Variants in CRIM1 observed in about 807,000 individuals in gnomAD.
The protein encoded by CRIM1 is cysteine rich transmembrane BMP regulator 1.
CRIM1 carries 32 observed loss-of-function variants against 116.4 expected under a neutral mutation model. That is an observed-to-expected ratio of 0.27 (90% CI 0.21 to 0.37). CRIM1 has a LOEUF of 0.37. CRIM1 is among the 10% of genes least tolerant of loss of function. The pLI is 1.00. For synonymous variants in CRIM1, 590 were observed against 509.2 expected, an observed-to-expected ratio of 1.16 and a Z score of -2.13; for missense variants, 1,331 against 1,354.8, an observed-to-expected ratio of 0.98 and a Z score of 0.28.
intron 6 of CRIM1, among the ~76,000 whole-genome samples, chr2:36,478,997 C>G (rs1679200877): frequency 1.3e-5 from 2 of 152,162 alleles, no homozygotes; most frequent in African/African-American, 4.8e-5. Context: ...ATGAACAAGT[C>G]CACAGCAAGA....
Position 36,509,973 on chromosome 2 carries a change from G to T in CRIM1, c.1502-10G>T. 13 of 1,612,398 alleles carry T rather than the reference G, an allele frequency of 8.1e-6. No individual in the cohort carries two copies. Among genetic ancestry groups the T allele is most frequent in the Non-Finnish European group, 1.0e-5 (12 of 1,179,058 alleles). Reference sequence around the variant, plus strand: ...TTTGGAAGAAACATGCCGTCTCTGTGTCTTCACAGCCGAGGAACTATGTTC... The same window carrying T: ...TTTGGAAGAAACATGCCGTCTCTGTTTCTTCACAGCCGAGGAACTATGTTC... On this transcript the variant is annotated splice_polypyrimidine_tract_variant and intron_variant, in intron 8 of 16. Coordinates refer to ENST00000280527, the MANE Select transcript of CRIM1 (RefSeq NM_016441.3).
intron 7 of CRIM1, among the ~76,000 whole-genome samples, chr2:36,481,928 A>G (rs1438877795): frequency 6.6e-6 from 1 of 152,154 alleles, no homozygotes; most frequent in Non-Finnish European, 1.5e-5. Context: ...AAGGGAGGAA[A>G]TCATTTTGCA....
intron 5 of CRIM1, among the ~76,000 whole-genome samples, chr2:36,468,757 C>G (rs192867059): frequency 1.3e-5 from 2 of 152,254 alleles, no homozygotes; most frequent in Admixed American, 1.3e-4. Flanking sequence ...CACAGTACCC[C>G]CTGCTGTCTT....
At chr2:36,436,316 T>C (rs765300280) in intron 2 of CRIM1, among the ~76,000 whole-genome samples, 1 of 152,154 alleles carries the variant, frequency 6.6e-6, no homozygotes, top group African/African-American at 2.4e-5. Flanking sequence ...GGATTCTAGA[T>C]AATTTATTGA....
chr2:36,489,980 G>A (rs906529369), intron 7 of CRIM1, among the ~76,000 whole-genome samples: 4 of 152,148 alleles, frequency 2.6e-5, no homozygotes, highest in East Asian at 1.9e-4. Context: ...GGTCACTAAC[G>A]TGCTCCAAAG....
intron 7 of CRIM1, among the ~76,000 whole-genome samples, chr2:36,480,655 T>C (rs1679338873): frequency 6.6e-6 from 1 of 152,212 alleles, no homozygotes; most frequent in Non-Finnish European, 1.5e-5. Flanking sequence ...TTTGCCTGAC[T>C]AGCTTCATCA....
intron 2 of CRIM1, among the ~76,000 whole-genome samples, chr2:36,407,977 T>A (rs1025814320): frequency 6.6e-6 from 1 of 152,190 alleles, no homozygotes; most frequent in South Asian, 2.1e-4. Context: ...CCATCTCTTC[T>A]GTCCAAAGAT....
chr2:36,376,464 C>T (rs983351355), intron 1 of CRIM1, among the ~76,000 whole-genome samples: 1 of 152,196 alleles, frequency 6.6e-6, no homozygotes, highest in Admixed American at 6.5e-5. Flanking sequence ...GCTGGGCCAA[C>T]TCGCATGAGC....
intron 2 of CRIM1, among the ~76,000 whole-genome samples, chr2:36,416,351 AG>A (rs1673620593): frequency 6.6e-6 from 1 of 152,324 alleles, no homozygotes; most frequent in African/African-American, 2.4e-5. Context: ...ATATGCTAAA[AG>A]AATGGGAACT....
At chr2:36,477,132 A>C in intron 6 of CRIM1, 61 bp downstream of exon 6, 1 of 1,333,018 alleles carries the variant, frequency 7.5e-7, no homozygotes, top group Non-Finnish European at 1.0e-6. Flanking sequence ...TTCTAAAATC[A>C]AAATCGTCCT....
At chr2:36,532,459 T>C (rs574826506) in intron 13 of CRIM1, among the ~76,000 whole-genome samples, 14 of 152,312 alleles carry the variant, frequency 9.2e-5, no homozygotes, top group Non-Finnish European at 1.9e-4. Context: ...CTAAATTACC[T>C]AAATAACCCA....
chr2:36,403,724 G>C (rs2148397514), intron 2 of CRIM1, among the ~76,000 whole-genome samples: 1 of 152,264 alleles, frequency 6.6e-6, no homozygotes, highest in Non-Finnish European at 1.5e-5. Context: ...GGTCAGGATA[G>C]ATTTTGGGAG....
intron 2 of CRIM1, among the ~76,000 whole-genome samples, chr2:36,430,429 GA>G (rs537311245): frequency 2.6e-5 from 4 of 152,066 alleles, no homozygotes; most frequent in African/African-American, 7.2e-5. Flanking sequence ...TCATTTCTGG[GA>G]AAAAAATACA....
At chr2:36,380,292 T>A (rs2148332693) in intron 1 of CRIM1, among the ~76,000 whole-genome samples, 1 of 152,302 alleles carries the variant, frequency 6.6e-6, no homozygotes, top group African/African-American at 2.4e-5. Flanking sequence ...GGCTTCCCTT[T>A]TTTGAGTTCC....
chr2:36,442,367 C>T (rs890771964), intron 3 of CRIM1, among the ~76,000 whole-genome samples: 4 of 152,082 alleles, frequency 2.6e-5, no homozygotes, highest in African/African-American at 9.7e-5. Context: ...GTAACCACTG[C>T]TGGTTTAATT....
intron 4 of CRIM1, among the ~76,000 whole-genome samples, chr2:36,457,001 T>C (rs1436801021): frequency 1.3e-5 from 2 of 152,152 alleles, no homozygotes; most frequent in African/African-American, 4.8e-5. Flanking sequence ...TATACCACTT[T>C]CCTTTCAACT....
At chr2:36,531,279 C>G (rs1412041918) in intron 13 of CRIM1, among the ~76,000 whole-genome samples, 1 of 152,208 alleles carries the variant, frequency 6.6e-6, no homozygotes, top group Admixed American at 6.5e-5. Flanking sequence ...TAAGAAGTTG[C>G]CTCCTAGGCA....
intron 1 of CRIM1, among the ~76,000 whole-genome samples, chr2:36,383,936 A>G (rs1298278987): frequency 6.6e-6 from 1 of 152,230 alleles, no homozygotes; most frequent in Non-Finnish European, 1.5e-5. Context: ...GCCCTGTTCC[A>G]GGTGCAGAAG....
intron 1 of CRIM1, among the ~76,000 whole-genome samples, chr2:36,386,770 T>A (rs76415219): frequency 6.6e-6 from 1 of 152,204 alleles, no homozygotes; most frequent in Admixed American, 6.5e-5. Flanking sequence ...TTAATAGATA[T>A]GCAGTAGAAG....
Sources: allele counts gnomAD v4.1 joint callset (sites outside exome capture counted in the v4.1 genomes callset), GRCh38; gene constraint gnomAD v4.1.1; transcripts MANE v1.5; gene names NCBI Gene and HGNC (gene_info 2026-07-23, HGNC 2026-07-21).